The following CFAP54 variants were observed in gnomAD, a reference collection of about 807,000 sequenced individuals.
CFAP54 encodes cilia- and flagella-associated protein 54.
In CFAP54, 290 loss-of-function variants were observed where a neutral mutation model predicts 370.4. The observed-to-expected ratio is 0.78, with a 90% CI of 0.71 to 0.86. The LOEUF is 0.86. Ranked by LOEUF, CFAP54 falls within the 40% of genes least tolerant of loss-of-function variation. CFAP54 has a pLI of 0.00. For missense variants in CFAP54, 3,399 were observed against 3,528.7 expected (o/e 0.96, Z 0.93); for synonymous variants, 1,206 against 1,236.5 (o/e 0.98, Z 0.52).
rs1327592152 is a variant in CFAP54, at chr12:96,535,509, A to G, written c.1706-6A>G. On this transcript the variant is annotated splice_region_variant and splice_polypyrimidine_tract_variant and intron_variant, in intron 11 of 67. Transcript: ENST00000524981. ...TGTTTCATTTTCCTCTACTTTATGA[A>G]CTTAGATACTTGTTTGAAGACTTGT... 3.3e-6 allele frequency: 5 copies of G among 1,524,294 alleles called. No individual in the cohort carries two copies. Among genetic ancestry groups the G allele is most frequent in the Admixed American group, 4.0e-5 (2 of 50,272 alleles). The allele number at this position is 1,524,294 out of a possible 1,614,324, so 94.4% of individuals were successfully genotyped here.
intron 12 of CFAP54, among the ~76,000 whole-genome samples, chr12:96,536,626 C>CTTTTTTTTTTTTT (rs10638883): frequency 2.2e-5 from 3 of 138,140 alleles, no homozygotes; most frequent in Non-Finnish European, 3.1e-5. Flanking sequence ...TTTTCTTTTT[C>CTTTTTTTTTTTTT]TTTTTTTTTT....
intron 67 of CFAP54, among the ~76,000 whole-genome samples, chr12:96,868,430 C>CTTT (rs35020483): frequency 8.0e-5 from 11 of 138,194 alleles, no homozygotes; most frequent in Non-Finnish European, 1.5e-4. Context: ...GTATGTTCAT[C>CTTT]TTTTTTTTTT....
chr12:96,730,070 G>A (rs1369578751), intron 50 of CFAP54, among the ~76,000 whole-genome samples: 1 of 152,094 alleles, frequency 6.6e-6, no homozygotes, highest in African/African-American at 2.4e-5. Flanking sequence ...TCTAGTTTGG[G>A]AATACAGAAT....
chr12:96,772,301 T>G (rs1414630326), intron 60 of CFAP54, among the ~76,000 whole-genome samples: 1 of 152,156 alleles, frequency 6.6e-6, no homozygotes, highest in Non-Finnish European at 1.5e-5. Context: ...AAAATAGGTC[T>G]TATTGGGCTA....
intron 65 of CFAP54, among the ~76,000 whole-genome samples, chr12:96,821,633 G>A (rs748838104): frequency 1.6e-4 from 24 of 149,272 alleles, no homozygotes; most frequent in Non-Finnish European, 2.5e-4. Flanking sequence ...AGCTCACAGC[G>A]TTTGAAAGTT....
At chr12:96,495,293 T>TTCTTTCC in intron 1 of CFAP54, among the ~76,000 whole-genome samples, 2 of 70,284 alleles carry the variant, frequency 2.8e-5, no homozygotes, top group Non-Finnish European at 5.7e-5. Context: ...TCCTTCCTTC[T>TTCTTTCC]TTCCTTCCTT....
chr12:96,657,469 A>G (rs941093564), intron 36 of CFAP54, among the ~76,000 whole-genome samples: 2 of 152,260 alleles, frequency 1.3e-5, no homozygotes, highest in South Asian at 4.1e-4. Flanking sequence ...ATCCTTACTT[A>G]AATGGATAGT....
intron 55 of CFAP54, among the ~76,000 whole-genome samples, chr12:96,750,877 C>T (rs1221516002): frequency 6.6e-6 from 1 of 152,182 alleles, no homozygotes; most frequent in Non-Finnish European, 1.5e-5. Context: ...ATCAGTTTTA[C>T]AACGTCTTTT....
rs530189400 is a variant in CFAP54 at position 96,623,241 on chromosome 12, C to T, written c.3772-526C>T. Among the ~76,000 whole-genome samples, 8 of 151,732 alleles carry T rather than the reference C, an allele frequency of 5.3e-5. No individual in the cohort carries two copies. In the East Asian group the frequency reaches 1.4e-3, roughly 26 times the overall value. The stretch of plus-strand genomic sequence containing the variant: ...TAACAGGTCAGTTCTCAGGCTCAGA[C>T]AGAGAAAACATGGTAGTGAGCCTGA... On this transcript the variant is annotated intron_variant, in intron 27 of 67. Transcript: ENST00000524981.
intron 65 of CFAP54, among the ~76,000 whole-genome samples, chr12:96,827,110 A>ATTATATATAATATGCAATTATATGTGT (rs1565994078): frequency 1.4e-5 from 1 of 70,958 alleles, no homozygotes; most frequent in African/African-American, 4.2e-5. Flanking sequence ...ATTATATGTG[A>ATTATATATAATATGCAATTATATGTGT]TTATATATAA....
chr12:96,769,556 A>G (rs6538738), intron 60 of CFAP54, among the ~76,000 whole-genome samples: 114,426 of 152,172 alleles, frequency 0.75, 43,699 homozygotes, highest in East Asian at 0.91. Flanking sequence ...CCTTGCTGTG[A>G]CCACTGCCAC....
intron 4 of CFAP54, among the ~76,000 whole-genome samples, chr12:96,510,706 C>T (rs1955155635): frequency 6.6e-6 from 1 of 151,878 alleles, no homozygotes; most frequent in Non-Finnish European, 1.5e-5. Context: ...AATGGTGGCT[C>T]ACGCTTCTCA....
At chr12:96,580,483 T>A (rs1437113117) in intron 20 of CFAP54, 114 bp from the exon 21 acceptor site, 2 of 570,234 alleles carry the variant, frequency 3.5e-6, no homozygotes, top group Non-Finnish European at 5.7e-6. Context: ...TTTGTAAACT[T>A]GGATTTCATG....
chr12:96,710,764 A>G (rs1442339653), intron 48 of CFAP54, among the ~76,000 whole-genome samples: 1 of 152,046 alleles, frequency 6.6e-6, no homozygotes, highest in East Asian at 1.9e-4. Context: ...AGTTCAAGCA[A>G]TTCTCCTGCC....
At chr12:96,827,972 ATATAT>A (rs71437237) in intron 65 of CFAP54, among the ~76,000 whole-genome samples, 23,743 of 90,860 alleles carry the variant, frequency 0.26, 6,104 homozygotes, top group East Asian at 0.37. Flanking sequence ...ATACATAGTA[ATATAT>A]TATATTATAT....
chr12:96,610,423 C>T (rs1424102314), intron 26 of CFAP54, among the ~76,000 whole-genome samples: 1 of 152,116 alleles, frequency 6.6e-6, no homozygotes, highest in East Asian at 1.9e-4. Flanking sequence ...GGGGTGGGGG[C>T]TCCCAAGATG....
At chr12:96,608,619 G>A (rs966392560) in intron 26 of CFAP54, among the ~76,000 whole-genome samples, 2 of 151,800 alleles carry the variant, frequency 1.3e-5, no homozygotes, top group Non-Finnish European at 2.9e-5. Context: ...GCACCACTAC[G>A]CCCGCTTAGT....
intron 26 of CFAP54, among the ~76,000 whole-genome samples, chr12:96,599,477 A>C (rs1308257482): frequency 1.3e-5 from 2 of 152,152 alleles, no homozygotes; most frequent in Non-Finnish European, 2.9e-5. Flanking sequence ...ATACATGTGC[A>C]TGTGTCTTTA....
intron 25 of CFAP54, among the ~76,000 whole-genome samples, chr12:96,596,814 A>G (rs1956185016): frequency 6.6e-6 from 1 of 152,128 alleles, no homozygotes; most frequent in East Asian, 1.9e-4. Flanking sequence ...TGTATAACAA[A>G]AAGTCTTACA....
Sources: allele counts gnomAD v4.1 joint callset (sites outside exome capture counted in the v4.1 genomes callset), GRCh38; gene constraint gnomAD v4.1.1; transcripts MANE v1.5; gene names NCBI Gene and HGNC (gene_info 2026-07-23, HGNC 2026-07-21).